The following DAB1 variants were observed in gnomAD, a reference collection of about 807,000 sequenced individuals.
DAB1 encodes DAB adaptor protein 1, also known as disabled homolog 1.
A neutral mutation model predicts 64.6 loss-of-function variants in DAB1; 15 were observed. That is an observed-to-expected ratio of 0.23 (90% CI 0.16 to 0.36). DAB1 has a LOEUF of 0.36. Ranked by LOEUF, DAB1 falls within the 10% of genes least tolerant of loss-of-function variation. The probability of loss-of-function intolerance (pLI) is 1.00; values close to 1 mark genes in which losing one functional copy is unlikely to be tolerated. For missense variants in DAB1, 596 were observed against 706.7 expected, an observed-to-expected ratio of 0.84 and a Z score of 1.78; for synonymous variants, 235 against 251.9, an observed-to-expected ratio of 0.93 and a Z score of 0.64.
chr1:57,041,358 G>A (rs1647766496), intron 9 of DAB1, among the ~76,000 whole-genome samples: 2 of 152,164 alleles, frequency 1.3e-5, no homozygotes, highest in African/African-American at 4.8e-5. Flanking sequence ...CATTCTCTGA[G>A]TTGTAACAGC....
At chr1:57,927,581 C>T (rs1250829931) in intron 5 of DAB1, among the ~76,000 whole-genome samples, 1 of 152,140 alleles carries the variant, frequency 6.6e-6, no homozygotes, top group African/African-American at 2.4e-5. Context: ...GTGGCAAAAG[C>T]TTATCTAGCA....
chr1:58,201,018 TTTTG>T (rs1306330134), intron 4 of DAB1, among the ~76,000 whole-genome samples: 1 of 139,110 alleles, frequency 7.2e-6, no homozygotes, highest in Non-Finnish European at 1.6e-5. Context: ...TTTTTGTTTG[TTTTG>T]TTTTTTTTTT....
At chr1:58,396,535 C>T (rs1430119658) in intron 3 of DAB1, among the ~76,000 whole-genome samples, 2 of 151,524 alleles carry the variant, frequency 1.3e-5, no homozygotes, top group Non-Finnish European at 2.9e-5. Flanking sequence ...GACACAAAGA[C>T]AAGAGATGGA....
chr1:57,703,745 T>C (rs1340550276), intron 6 of DAB1, among the ~76,000 whole-genome samples: 2 of 152,004 alleles, frequency 1.3e-5, no homozygotes, highest in African/African-American at 4.8e-5. Context: ...TGTATATTCA[T>C]TGCAGCACTG....
At chr1:57,595,765 G>C (rs1479081094) in intron 7 of DAB1, among the ~76,000 whole-genome samples, 1 of 152,034 alleles carries the variant, frequency 6.6e-6, no homozygotes, top group Non-Finnish European at 1.5e-5. Flanking sequence ...GTGAATGAGT[G>C]AGTTATCATG....
chr1:58,230,706 G>A (rs959217476), intron 4 of DAB1, among the ~76,000 whole-genome samples: 18 of 152,344 alleles, frequency 1.2e-4, no homozygotes, highest in African/African-American at 4.1e-4. Context: ...TTCGTCAGAA[G>A]CAGACATATG....
chr1:58,462,239 G>A (rs576774841), intron 3 of DAB1, among the ~76,000 whole-genome samples: 1 of 149,082 alleles, frequency 6.7e-6, no homozygotes, highest in African/African-American at 2.5e-5. Flanking sequence ...CCATTCTCCT[G>A]CCTCAGCCTC....
intron 7 of DAB1, among the ~76,000 whole-genome samples, chr1:57,529,134 AG>A (rs1644631448): frequency 8.2e-5 from 1 of 12,148 alleles, no homozygotes; most frequent in Non-Finnish European, 2.3e-4. Context: ...TTATTCACAA[AG>A]TAGCACAATA....
intron 7 of DAB1, among the ~76,000 whole-genome samples, chr1:57,596,654 G>T (rs1645513732): frequency 2.0e-5 from 3 of 151,896 alleles, no homozygotes; most frequent in Admixed American, 2.0e-4. Flanking sequence ...CCTAGAGCAA[G>T]AATTGAAAGA....
At chr1:58,534,646 T>C (rs182014591) in intron 1 of DAB1, among the ~76,000 whole-genome samples, 44 of 152,332 alleles carry the variant, frequency 2.9e-4, no homozygotes, top group Non-Finnish European at 5.7e-4. Context: ...TAGAAAACAC[T>C]GCCTAGGCCA....
intron 5 of DAB1, among the ~76,000 whole-genome samples, chr1:57,909,683 G>A (rs1034473980): frequency 2.0e-5 from 3 of 152,116 alleles, no homozygotes; most frequent in Non-Finnish European, 4.4e-5. Context: ...AATATTGCAG[G>A]TTTAGTATCT....
intron 6 of DAB1, among the ~76,000 whole-genome samples, chr1:57,662,603 A>G (rs1646400395): frequency 2.0e-5 from 3 of 152,342 alleles, no homozygotes; most frequent in African/African-American, 7.2e-5. Context: ...AGGGAAAAGC[A>G]CATTTAGCAT....
chr1:58,232,255 C>T (rs1056400505), intron 4 of DAB1, among the ~76,000 whole-genome samples: 4 of 152,050 alleles, frequency 2.6e-5, no homozygotes, highest in East Asian at 1.9e-4. Context: ...GAGAAGAGAC[C>T]GTGCCTAATA....
At chr1:57,809,187 G>A (rs891957929) in intron 6 of DAB1, among the ~76,000 whole-genome samples, 5 of 152,072 alleles carry the variant, frequency 3.3e-5, no homozygotes, top group Non-Finnish European at 7.4e-5. Context: ...ATACTCAAGA[G>A]CAGAAAAGCA....
intron 4 of DAB1, among the ~76,000 whole-genome samples, chr1:58,315,318 C>T (rs1288652924): frequency 6.6e-6 from 1 of 152,166 alleles, no homozygotes; most frequent in African/African-American, 2.4e-5. Context: ...TAGGCCATCA[C>T]TACAGAAAAT....
intron 5 of DAB1, among the ~76,000 whole-genome samples, chr1:57,892,561 T>C (rs1054731573): frequency 6.6e-6 from 1 of 152,228 alleles, no homozygotes; most frequent in Non-Finnish European, 1.5e-5. Flanking sequence ...TGGTAAATAG[T>C]GGACTTTGGC....
chr1:58,035,619 CAT>C (rs991184791), intron 5 of DAB1, among the ~76,000 whole-genome samples: 2 of 152,178 alleles, frequency 1.3e-5, no homozygotes, highest in Non-Finnish European at 2.9e-5. Flanking sequence ...TAATCTAAAA[CAT>C]GTGTACTTCA....
intron 7 of DAB1, among the ~76,000 whole-genome samples, chr1:57,541,974 A>G (rs1644807802): frequency 6.6e-6 from 1 of 151,822 alleles, no homozygotes; most frequent in African/African-American, 2.4e-5. Context: ...ATCAGAGGAC[A>G]TCCTAGGGTG....
chr1:57,220,996 C>G (rs1373482647), intron 2 of DAB1, among the ~76,000 whole-genome samples: 3 of 152,108 alleles, frequency 2.0e-5, no homozygotes, highest in Non-Finnish European at 2.9e-5. Flanking sequence ...TGGAACCAAC[C>G]CAAATGTCCA....
Sources: gnomAD v4.1 joint callset for allele counts (sites outside exome capture counted in the v4.1 genomes callset) on GRCh38, gnomAD v4.1.1 for gene constraint, MANE v1.5 for transcripts, NCBI Gene and HGNC (gene_info 2026-07-23, HGNC 2026-07-21) for gene names.